PTPRH: variants seen among roughly 807,000 people sequenced by gnomAD.
PTPRH encodes the protein receptor-type tyrosine-protein phosphatase H.
Under a neutral mutation model 130.2 loss-of-function variants are expected in PTPRH, and 113 were observed. The observed-to-expected ratio is 0.87, with a 90% CI of 0.75 to 1.01. The LOEUF is 1.01. Among genes scored for constraint, PTPRH ranks in the 50% least tolerant of loss-of-function variants. PTPRH has a pLI of 0.00. For missense variants in PTPRH, 1,430 were observed against 1,425.0 expected, an observed-to-expected ratio of 1.00 and a Z score of -0.06; for synonymous variants, 556 against 577.9, an observed-to-expected ratio of 0.96 and a Z score of 0.54.
chr19:55,202,383 C>G (rs2086891876), intron 5 of PTPRH, 61 bp from the exon 6 acceptor site: 1 of 1,593,338 alleles, frequency 6.3e-7, no homozygotes, highest in Non-Finnish European at 8.6e-7. Context: ...CTTTCCAGCC[C>G]TTCCTTAACC....
chr19:55,187,703 G>T, intron 13 of PTPRH, 100 bp from the exon 14 acceptor site: 1 of 836,768 alleles, frequency 1.2e-6, no homozygotes, highest in Non-Finnish European at 2.0e-6. Flanking sequence ...ATCACCCCTT[G>T]TTTATTCGTT....
chr19:55,205,916 A>T (rs1268845089), intron 3 of PTPRH, among the ~76,000 whole-genome samples: 3 of 152,176 alleles, frequency 2.0e-5, no homozygotes, highest in Admixed American at 2.0e-4. Context: ...TCGTTTTTAT[A>T]TTGATTACAA....
Position 55,206,798 on chromosome 19 carries a change from G to A in PTPRH, c.243C>T (p.Ala81=). 1 of 1,614,204 alleles carries A rather than the reference G, an allele frequency of 6.2e-7. No homozygotes were observed. Among genetic ancestry groups the A allele is most frequent in the Non-Finnish European group, 8.5e-7 (1 of 1,180,034 alleles). ...GGTTETRNTT[A]TNVTVDGLGP... Reference sequence around the variant, plus strand: ...CAAGGCCATCCACGGTGACGTTGGTGGCTGTTGTGTTTCGAGTCTCTGTTG... The same window carrying A: ...CAAGGCCATCCACGGTGACGTTGGTAGCTGTTGTGTTTCGAGTCTCTGTTG... Residue 81 remains alanine, a synonymous_variant, in exon 3 of 20, where the codon GCC becomes GCT. Transcript: ENST00000376350.
At chr19:55,192,959 TG>T (rs2086584744) in intron 10 of PTPRH, among the ~76,000 whole-genome samples, 1 of 151,716 alleles carries the variant, frequency 6.6e-6, no homozygotes, top group Non-Finnish European at 1.5e-5. Flanking sequence ...CCAGGCATGG[TG>T]GCTCACCCCT....
chr19:55,200,629 G>A, intron 6 of PTPRH, 127 bp from the exon 7 acceptor site: 2 of 1,058,178 alleles, frequency 1.9e-6, no homozygotes, highest in Non-Finnish European at 2.7e-6. Context: ...GATGCAGGGT[G>A]TATGTTCTAG....
chr19:55,207,008 C>A, intron 2 of PTPRH, 53 bp from the exon 3 acceptor site: 1 of 1,552,212 alleles, frequency 6.4e-7, no homozygotes, highest in South Asian at 1.2e-5. Context: ...CAGTACAATC[C>A]CTCCCAACCC....
At chr19:55,202,454 C>A (rs1057477077) in intron 5 of PTPRH, 132 bp from the exon 6 acceptor site, 1 of 1,359,212 alleles carries the variant, frequency 7.4e-7, no homozygotes, top group African/African-American at 1.5e-5. Flanking sequence ...GTGGCAGCCA[C>A]GAGTTCCACG....
intron 10 of PTPRH, among the ~76,000 whole-genome samples, chr19:55,194,708 T>TG (rs1177747956): frequency 6.6e-6 from 1 of 151,384 alleles, no homozygotes; most frequent in Non-Finnish European, 1.5e-5. Context: ...AAACCCGGGG[T>TG]GGGGGGTAGT....
intron 16 of PTPRH, 63 bp downstream of exon 16, chr19:55,186,162 A>G: frequency 6.3e-7 from 1 of 1,577,756 alleles, no homozygotes; most frequent in South Asian, 1.2e-5. Flanking sequence ...TGGGGTCTAC[A>G]TTGGATGAGT....
At chr19:55,191,427 C>T (rs1046307632) in intron 12 of PTPRH, 74 bp downstream of exon 12, 1 of 1,549,792 alleles carries the variant, frequency 6.5e-7, no homozygotes, top group South Asian at 1.1e-5. Context: ...ACCCTCTGAC[C>T]TAGCTGGCAG....
chr19:55,182,224 G>T, intron 18 of PTPRH, 73 bp from the exon 19 acceptor site: 1 of 1,513,008 alleles, frequency 6.6e-7, no homozygotes. Context: ...TGATTGGAGG[G>T]ATCTGTGTTT....
At chr19:55,191,122 A>T (rs879396717) in intron 12 of PTPRH, among the ~76,000 whole-genome samples, 2 of 152,170 alleles carry the variant, frequency 1.3e-5, no homozygotes, top group South Asian at 2.1e-4. Context: ...GATTACAGGC[A>T]TGAGCCACCG....
intron 14 of PTPRH, among the ~76,000 whole-genome samples, 187 bp downstream of exon 14, chr19:55,187,326 C>T (rs1248210933): frequency 4.3e-5 from 4 of 93,988 alleles, no homozygotes; most frequent in African/African-American, 9.8e-5. Flanking sequence ...GCCTGGGTGA[C>T]AGAGCGAGAC....
At position 55,205,445 on chromosome 19, in the gene PTPRH, C is replaced by T. The variant is rs1313118787; in HGVS notation, c.500G>A (p.Ser167Asn). 6.2e-7 allele frequency: 1 copy of T among 1,614,180 alleles called. No individual in the cohort carries two copies. Among genetic ancestry groups the T allele is most frequent in the Non-Finnish European group, 8.5e-7 (1 of 1,180,046 alleles). The change falls in exon 4 of 20, where the codon AGC becomes AAC. Residue 167 changes from serine to asparagine, a missense_variant. Transcript: ENST00000376350. ...TGDGGRAGTR[S>N]TAHTNITVDG... is the part of the protein sequence containing the mutation. ...CACGGTGATGTTAGTGTGTGCTGTGCTTCGAGTCCCTGCTCTGCCACCATC... is the reference window on the plus strand; with the variant it reads ...CACGGTGATGTTAGTGTGTGCTGTGTTTCGAGTCCCTGCTCTGCCACCATC...
chr19:55,185,375 C>G, intron 18 of PTPRH, 127 bp downstream of exon 18: 1 of 1,026,898 alleles, frequency 9.7e-7, no homozygotes, highest in East Asian at 2.6e-5. Context: ...CTTTATCTTC[C>G]ACATCCACCT....
Position 55,186,322 on chromosome 19 carries a change from C to A in PTPRH, c.2681G>T (p.Gly894Val). ...WSPQEFIATQ[G>V]PLPQTVGDFW... is the part of the protein sequence containing the mutation. ...GTCACCCACTGTCTGTGGCAGGGGA[C>A]CCTGGGTTGCAATGAACTCCTGGGG... Residue 894 changes from glycine (G) to valine (V), a missense_variant, in exon 16 of 20, where the codon GGT (glycine) becomes GTT (valine). Gly to Val is a moderately radical substitution (Grantham distance 109). Coordinates refer to ENST00000376350, the MANE Select transcript of PTPRH (RefSeq NM_002842.5). The A allele has an allele frequency of 6.2e-7, 1 of 1,614,028 alleles. No homozygotes were observed. Among genetic ancestry groups the A allele is most frequent in the Non-Finnish European group, 8.5e-7 (1 of 1,179,976 alleles).
At chr19:55,195,947 C>T (rs2086667533) in intron 10 of PTPRH, among the ~76,000 whole-genome samples, 1 of 151,344 alleles carries the variant, frequency 6.6e-6, no homozygotes, top group Non-Finnish European at 1.5e-5. Context: ...TTTCCGAGGG[C>T]TGGGGGCTGG....
Position 55,197,208 on chromosome 19 carries a change from C to T in PTPRH, c.1899G>A (p.Glu633=), listed in dbSNP as rs373455768. The T allele has an allele frequency of 9.9e-6, 16 of 1,614,152 alleles. No homozygotes were observed. The African/African-American group carries it at 1.7e-4, about 17-fold the overall frequency. ...SRTNETWYKV[E]ALEPGTLYNF... Reference sequence around the variant, plus strand: ...TGTACAACGTCCCGGGTTCCAGGGCCTCCACTTTGTACCACGTCTCATTGG... The same window carrying T: ...TGTACAACGTCCCGGGTTCCAGGGCTTCCACTTTGTACCACGTCTCATTGG... The change falls in exon 9 of 20, where the codon GAG becomes GAA. Residue 633 remains glutamate (E), a synonymous_variant. Coordinates refer to ENST00000376350, the MANE Select transcript of PTPRH (RefSeq NM_002842.5).
intron 12 of PTPRH, among the ~76,000 whole-genome samples, chr19:55,189,342 TAGAC>T (rs2086456243): frequency 6.6e-6 from 1 of 152,172 alleles, no homozygotes. Context: ...CTAAACATGT[TAGAC>T]TGTGTCACTA....
Sources: allele counts gnomAD v4.1 joint callset (sites outside exome capture counted in the v4.1 genomes callset), GRCh38; gene constraint gnomAD v4.1.1; transcripts MANE v1.5; gene names NCBI Gene and HGNC (gene_info 2026-07-23, HGNC 2026-07-21).